The following GPC5 variants were observed in gnomAD, a reference collection of about 807,000 sequenced individuals.
The protein encoded by GPC5 is glypican 5.
A neutral mutation model predicts 53.9 loss-of-function variants in GPC5; 47 were observed. That is an observed-to-expected ratio of 0.87 (90% confidence interval 0.69 to 1.11). The LOEUF (loss-of-function observed/expected upper bound fraction) is 1.11, where lower values mean the gene tolerates loss of function less well. GPC5 is among the 50% of genes most tolerant of loss of function. The pLI is 0.00. For synonymous variants in GPC5, 286 were observed against 263.3 expected (o/e 1.09, Z -0.84); for missense variants, 748 against 713.1 (o/e 1.05, Z -0.56).
chr13:91,880,935 C>T (rs67779393), intron 5 of GPC5, among the ~76,000 whole-genome samples: 40,141 of 151,834 alleles, frequency 0.26, 5,706 homozygotes, highest in African/African-American at 0.29. Flanking sequence ...GAATTACAGG[C>T]GTCCGCCACC....
intron 7 of GPC5, among the ~76,000 whole-genome samples, chr13:92,187,266 C>A (rs2042191077): frequency 6.6e-6 from 1 of 152,190 alleles, no homozygotes; most frequent in South Asian, 2.1e-4. Flanking sequence ...TTGTTGGACT[C>A]TTGAAAGGTA....
At chr13:91,795,717 C>T (rs1004715844) in intron 5 of GPC5, among the ~76,000 whole-genome samples, 1 of 152,080 alleles carries the variant, frequency 6.6e-6, no homozygotes, top group Non-Finnish European at 1.5e-5. Context: ...TAACCCTGCC[C>T]TTCCCTCCCC....
chr13:91,485,363 C>G (rs1279929008), intron 2 of GPC5, among the ~76,000 whole-genome samples: 1 of 152,050 alleles, frequency 6.6e-6, no homozygotes, highest in Non-Finnish European at 1.5e-5. Context: ...CAGGTGCATA[C>G]CACCATGCCC....
At chr13:91,590,247 C>G (rs114488992) in intron 2 of GPC5, among the ~76,000 whole-genome samples, 2 of 151,544 alleles carry the variant, frequency 1.3e-5, no homozygotes, top group Admixed American at 6.6e-5. Flanking sequence ...AGTAATATTT[C>G]TAATATATTT....
chr13:92,245,391 A>G (rs1427245168), intron 7 of GPC5, among the ~76,000 whole-genome samples: 2 of 152,102 alleles, frequency 1.3e-5, no homozygotes, highest in Non-Finnish European at 2.9e-5. Flanking sequence ...TGGAATTTTT[A>G]CTTGTCTCTC....
At chr13:91,531,556 C>A (rs1043079663) in intron 2 of GPC5, among the ~76,000 whole-genome samples, 1 of 152,110 alleles carries the variant, frequency 6.6e-6, no homozygotes, top group Non-Finnish European at 1.5e-5. Flanking sequence ...TTCACTCTTG[C>A]AGAAGAAAAC....
intron 2 of GPC5, among the ~76,000 whole-genome samples, chr13:91,537,270 C>A (rs529271084): frequency 6.6e-6 from 1 of 151,706 alleles, no homozygotes; most frequent in Non-Finnish European, 1.5e-5. Flanking sequence ...AGAATATTAA[C>A]AACACTGATA....
intron 6 of GPC5, among the ~76,000 whole-genome samples, chr13:92,041,722 G>T (rs1342328668): frequency 6.6e-6 from 1 of 152,174 alleles, no homozygotes; most frequent in African/African-American, 2.4e-5. Context: ...CTAGCAAGAG[G>T]CCAGAAAGAA....
intron 6 of GPC5, among the ~76,000 whole-genome samples, chr13:92,054,510 A>G (rs1431468406): frequency 2.0e-5 from 3 of 152,146 alleles, no homozygotes; most frequent in African/African-American, 7.2e-5. Context: ...TGATGCAGGC[A>G]TTCTTAAATG....
chr13:92,693,479 T>C (rs1887472791), intron 7 of GPC5, among the ~76,000 whole-genome samples: 2 of 152,164 alleles, frequency 1.3e-5, no homozygotes, highest in Admixed American at 6.5e-5. Flanking sequence ...TACTGGAAAC[T>C]GGAGTAAAGG....
chr13:92,214,653 C>T (rs2042397427), intron 7 of GPC5, among the ~76,000 whole-genome samples: 1 of 152,192 alleles, frequency 6.6e-6, no homozygotes, highest in African/African-American at 2.4e-5. Flanking sequence ...TGCCATCTCT[C>T]TTTCCCAACA....
intron 6 of GPC5, among the ~76,000 whole-genome samples, chr13:91,974,633 T>G (rs571643096): frequency 6.6e-6 from 1 of 152,284 alleles, no homozygotes; most frequent in South Asian, 2.1e-4. Flanking sequence ...TACAAACAAA[T>G]GGAAGAACAT....
At chr13:92,721,476 A>C (rs532088940) in intron 7 of GPC5, 1 of 152,200 alleles carries the variant, frequency 6.6e-6, no homozygotes, top group African/African-American at 2.4e-5. Flanking sequence ...AGGCTAAATG[A>C]AACAAGGAAG....
chr13:92,575,979 TGACAGG>T (rs1883177975), intron 7 of GPC5, among the ~76,000 whole-genome samples: 2 of 152,124 alleles, frequency 1.3e-5, no homozygotes, highest in South Asian at 4.1e-4. Flanking sequence ...CAATCAAGAC[TGACAGG>T]TTTGACAACT....
chr13:91,535,294 A>G (rs992852189), intron 2 of GPC5, among the ~76,000 whole-genome samples: 2 of 152,182 alleles, frequency 1.3e-5, no homozygotes, highest in African/African-American at 4.8e-5. Flanking sequence ...TATGTACTCT[A>G]AACCCTGATT....
intron 1 of GPC5, among the ~76,000 whole-genome samples, chr13:91,418,923 A>G (rs1298272229): frequency 6.6e-6 from 1 of 151,946 alleles, no homozygotes; most frequent in East Asian, 1.9e-4. Context: ...TTTCTGATGC[A>G]TCTTTTCAGT....
At chr13:92,329,154 C>A (rs898160856) in intron 7 of GPC5, among the ~76,000 whole-genome samples, 1 of 152,078 alleles carries the variant, frequency 6.6e-6, no homozygotes, top group Non-Finnish European at 1.5e-5. Context: ...ATTTTTGAAT[C>A]TCTATAAAGA....
chr13:91,965,103 G>A (rs999036166), intron 6 of GPC5, among the ~76,000 whole-genome samples: 1 of 149,794 alleles, frequency 6.7e-6, no homozygotes, highest in African/African-American at 2.5e-5. Flanking sequence ...GGAGGGGGGA[G>A]AGATAGCATT....
At chr13:92,607,581 A>T (rs1884296488) in intron 7 of GPC5, among the ~76,000 whole-genome samples, 1 of 152,200 alleles carries the variant, frequency 6.6e-6, no homozygotes, top group Admixed American at 6.5e-5. Context: ...AGTCCAACAC[A>T]GTAGAGCCTC....
Sources: allele counts gnomAD v4.1 joint callset (sites outside exome capture counted in the v4.1 genomes callset), GRCh38; gene constraint gnomAD v4.1.1; transcripts MANE v1.5; gene names NCBI Gene and HGNC (gene_info 2026-07-23, HGNC 2026-07-21).